The following PCDHGB1 variants were observed in gnomAD, a reference collection of about 807,000 sequenced individuals.
The protein encoded by PCDHGB1 is protocadherin gamma subfamily B, 1, also known as protocadherin gamma-B1.
A neutral mutation model predicts 56.6 loss-of-function variants in PCDHGB1; 34 were observed. The ratio of observed to expected loss-of-function variants is 0.60; its 90% confidence interval spans 0.46 to 0.80. The LOEUF (loss-of-function observed/expected upper bound fraction) is 0.80, where lower values mean the gene tolerates loss of function less well. Ranked by LOEUF, PCDHGB1 falls within the 30% of genes least tolerant of loss-of-function variation. The probability of loss-of-function intolerance (pLI) is 0.00; values close to 1 mark genes in which losing one functional copy is unlikely to be tolerated. For missense variants in PCDHGB1, 1,278 were observed against 1,204.6 expected (o/e 1.06, Z -0.90); for synonymous variants, 561 against 505.9 (o/e 1.11, Z -1.46).
At chr5:141,478,247 G>T in intron 1 of PCDHGB1, 1 of 1,614,076 alleles carries the variant, frequency 6.2e-7, no homozygotes, top group Non-Finnish European at 8.5e-7. Context: ...CACAGTGTTC[G>T]GAGTAATCAT....
intron 1 of PCDHGB1, among the ~76,000 whole-genome samples, chr5:141,402,328 A>G (rs1589453798): frequency 6.6e-6 from 1 of 152,000 alleles, no homozygotes; most frequent in Non-Finnish European, 1.5e-5. Context: ...ACATTTACAA[A>G]TATATAGGTA....
At chr5:141,375,234 G>C (rs371683670) in intron 1 of PCDHGB1, 16 of 1,613,840 alleles carry the variant, frequency 9.9e-6, no homozygotes, top group African/African-American at 1.3e-5. Context: ...CTGGTAACCT[G>C]TTCCATCCCG....
chr5:141,428,067 G>GC, intron 1 of PCDHGB1: 2 of 1,609,228 alleles, frequency 1.2e-6, no homozygotes, highest in Non-Finnish European at 1.7e-6. Context: ...GGTGGACGCA[G>GC]ATTCGGGACA....
At chr5:141,394,893 G>A (rs769819389) in intron 1 of PCDHGB1, 7 of 1,613,858 alleles carry the variant, frequency 4.3e-6, no homozygotes, top group South Asian at 2.2e-5. Context: ...ACTCTATCTC[G>A]TGGTGGCAGT....
Position 141,487,933 on chromosome 5 carries a change from A to G in PCDHGB1, c.2410-6874A>G. ...CACAGGAGGCTACAGTGCACAGGGT[A>G]CAGTGCACCAGGCAGTCACTTGGAC... is the stretch of plus-strand genomic sequence containing the variant. On this transcript the variant is annotated intron_variant, in intron 1 of 3. Coordinates refer to ENST00000523390, the MANE Select transcript of PCDHGB1 (RefSeq NM_018922.3). This position sits in a 1 kb window ranked among gnomAD's most constrained non-coding sequence, Gnocchi z 5.0. 1 of 612,006 alleles carries G rather than the reference A, an allele frequency of 1.6e-6. No homozygotes were observed. Among genetic ancestry groups the G allele is most frequent in the South Asian group, 2.0e-5 (1 of 49,074 alleles). The allele number at this position is 612,006 out of a possible 1,614,324, so 37.9% of individuals were successfully genotyped here. A position where few individuals can be genotyped will look rare whatever the true frequency, so the allele number is the denominator to read the frequency against.
At chr5:141,419,024 G>A (rs1423033793) in intron 1 of PCDHGB1, 2 of 1,613,874 alleles carry the variant, frequency 1.2e-6, no homozygotes, top group Admixed American at 1.7e-5. Flanking sequence ...CTTAAGTAGA[G>A]GTGTTCCATT....
intron 1 of PCDHGB1, chr5:141,414,585 C>CA: frequency 6.2e-7 from 1 of 1,613,968 alleles, no homozygotes; most frequent in East Asian, 2.2e-5. Flanking sequence ...AGAACAACGC[C>CA]AGGGGTGCCT....
intron 1 of PCDHGB1, chr5:141,366,607 C>T (rs200161061): frequency 6.8e-5 from 110 of 1,614,150 alleles, no homozygotes; most frequent in Non-Finnish European, 9.1e-5. Flanking sequence ...AGGTCTCCCT[C>T]ACCGCGGACT....
At chr5:141,481,210 G>A (rs1351826116) in intron 1 of PCDHGB1, among the ~76,000 whole-genome samples, 2 of 152,128 alleles carry the variant, frequency 1.3e-5, no homozygotes, top group Admixed American at 1.3e-4. Context: ...TAAAAAACAT[G>A]GTAAGGTCTC....
chr5:141,455,037 C>T (rs1251627513), intron 1 of PCDHGB1, among the ~76,000 whole-genome samples: 1 of 151,744 alleles, frequency 6.6e-6, no homozygotes, highest in Non-Finnish European at 1.5e-5. Flanking sequence ...TGGTCTCGAT[C>T]TCCTGACCTC....
At chr5:141,452,528 A>T (rs1592223895) in intron 1 of PCDHGB1, among the ~76,000 whole-genome samples, 1 of 152,206 alleles carries the variant, frequency 6.6e-6, no homozygotes, top group African/African-American at 2.4e-5. Flanking sequence ...CAAAATCGTG[A>T]GTTCATATTG....
At chr5:141,400,232 C>CT (rs1207022796) in intron 1 of PCDHGB1, 6 of 1,613,914 alleles carry the variant, frequency 3.7e-6, no homozygotes, top group African/African-American at 1.3e-5. Context: ...TTCCTCCTGG[C>CT]CGTGATTCTG....
At chr5:141,433,257 G>C (rs764036349) in intron 1 of PCDHGB1, 3 of 1,385,416 alleles carry the variant, frequency 2.2e-6, no homozygotes, top group Non-Finnish European at 3.0e-6. Flanking sequence ...GCAGCGGTAC[G>C]ATCATAGCTC....
At position 141,431,556 on chromosome 5, in the gene PCDHGB1, C is replaced by G. The variant is rs1561853752; in HGVS notation, c.2410-63251C>G. ...GGCACGCAGCTGCTTGTAGTCAACGCTACCGACCCTGACGAAGGAGTCAAT... is the reference window on the plus strand; with the variant it reads ...GGCACGCAGCTGCTTGTAGTCAACGGTACCGACCCTGACGAAGGAGTCAAT... On this transcript the variant is annotated intron_variant, in intron 1 of 3. Transcript: ENST00000523390. The surrounding 1 kb of genome is among the most constrained non-coding windows in gnomAD (Gnocchi z 4.8). 3 of 1,614,138 alleles carry G rather than the reference C, an allele frequency of 1.9e-6. No individual in the cohort carries two copies. The highest frequency in any genetic ancestry group is 2.5e-6 in the Non-Finnish European group (3 of 1,180,022).
At position 141,399,158 on chromosome 5, in the gene PCDHGB1, C is replaced by T. The variant is rs575806440; in HGVS notation, c.2409+46489C>T. 17 of 1,613,790 alleles carry T rather than the reference C, an allele frequency of 1.1e-5. No homozygotes were observed. The East Asian group carries it at 2.9e-4, about 27-fold the overall frequency. On this transcript the variant is annotated intron_variant, in intron 1 of 3. Transcript: ENST00000523390. The stretch of plus-strand genomic sequence containing the variant: ...GAAAATGACAATAGCCCAGAAGTTA[C>T]ATTCCATTCTCTACTTGAAATGATT...
rs189408749 is a variant in PCDHGB1 at position 141,383,405 on chromosome 5, G to T, written c.2409+30736G>T. On this transcript the variant is annotated intron_variant, in intron 1 of 3. Transcript: ENST00000523390. ...GATGTGGGCACGAACTCCCTCCAGAGTTACCAGCTCAGCCCCAATCGCCAC... is the reference window on the plus strand; with the variant it reads ...GATGTGGGCACGAACTCCCTCCAGATTTACCAGCTCAGCCCCAATCGCCAC... The T allele has an allele frequency of 1.2e-4, 200 of 1,613,898 alleles. No individual in the cohort carries two copies. Among genetic ancestry groups the T allele is most frequent in the South Asian group, 4.4e-5 (4 of 91,084 alleles).
At chr5:141,483,919 G>T (rs912152955) in intron 1 of PCDHGB1, among the ~76,000 whole-genome samples, 2 of 151,008 alleles carry the variant, frequency 1.3e-5, no homozygotes, top group South Asian at 2.1e-4. Flanking sequence ...CACTCAGATT[G>T]CAGGTCGTAG....
chr5:141,422,360 G>C (rs766368774), intron 1 of PCDHGB1: 1 of 1,559,254 alleles, frequency 6.4e-7, no homozygotes, highest in African/African-American at 1.4e-5. Context: ...CAAGATTCTG[G>C]AGAAAATGGT....
intron 1 of PCDHGB1, chr5:141,386,033 G>A (rs1205491473): frequency 1.3e-5 from 2 of 152,154 alleles, no homozygotes; most frequent in Admixed American, 6.6e-5. Flanking sequence ...TTGTGACATA[G>A]GCAATTACAT....
Sources: gnomAD v4.1 joint callset for allele counts (sites outside exome capture counted in the v4.1 genomes callset) on GRCh38, gnomAD v4.1.1 for gene constraint, Gnocchi (gnomAD v3.1) non-coding constraint, MANE v1.5 for transcripts, NCBI Gene and HGNC (gene_info 2026-07-23, HGNC 2026-07-21) for gene names.